SLC24A2: variants seen among roughly 807,000 people sequenced by gnomAD.
The protein encoded by SLC24A2 is solute carrier family 24 member 2.
A neutral mutation model predicts 62.0 loss-of-function variants in SLC24A2; 36 were observed. The ratio of observed to expected loss-of-function variants is 0.58; its 90% CI spans 0.44 to 0.77. The LOEUF (loss-of-function observed/expected upper bound fraction) is 0.77. Ranked by LOEUF, SLC24A2 falls within the 30% of genes least tolerant of loss-of-function variation. SLC24A2 has a pLI of 0.00. For synonymous variants in SLC24A2, 358 were observed against 294.0 expected (o/e 1.22, Z -2.23); for missense variants, 846 against 817.9 (o/e 1.03, Z -0.42).
At chr9:19,955,733 T>C in the SLC24A2 span, among the ~76,000 whole-genome samples, 1 of 152,066 alleles carries the variant, frequency 6.6e-6, no homozygotes, top group East Asian at 1.9e-4. Context: ...ATTTCCTCCA[T>C]CCTCTCCCAA....
chr9:19,607,407 C>CA lies in SLC24A2; in HGVS notation c.1079-10129dup, dbSNP rs1280070393. On this transcript the variant is annotated intron_variant, in intron 4 of 10. Transcript: ENST00000341998. ...TCCTTCTTCATGATATCTTTGAGCT[C>CA]AAATGCCATCAAAATCATTTTTTTT... Among the ~76,000 whole-genome samples, 3 of 152,150 alleles carry CA rather than the reference C, an allele frequency of 2.0e-5. No homozygotes were observed. The East Asian group carries it at 5.8e-4, about 29-fold the overall frequency.
the SLC24A2 span, among the ~76,000 whole-genome samples, chr9:20,055,136 C>T: frequency 6.6e-6 from 1 of 152,044 alleles, no homozygotes; most frequent in African/African-American, 2.4e-5. Flanking sequence ...CATAAAGCTC[C>T]CTTCCATCCA....
chr9:19,666,198 G>A (rs1490574233), intron 2 of SLC24A2, among the ~76,000 whole-genome samples: 1 of 152,030 alleles, frequency 6.6e-6, no homozygotes, highest in African/African-American at 2.4e-5. Flanking sequence ...TTGAGCCCAG[G>A]AGTTGAGATC....
intron 2 of SLC24A2, among the ~76,000 whole-genome samples, chr9:19,665,067 C>T (rs1819209948): frequency 6.6e-6 from 1 of 152,178 alleles, no homozygotes; most frequent in Non-Finnish European, 1.5e-5. Context: ...AGGCTGCCTG[C>T]TGTGTGGCTG....
chr9:19,949,545 T>G, the SLC24A2 span, among the ~76,000 whole-genome samples: 2 of 152,234 alleles, frequency 1.3e-5, no homozygotes, highest in African/African-American at 4.8e-5. Flanking sequence ...AAAAAATCAC[T>G]TAAGCAATAG....
Position 19,619,566 on chromosome 9 carries a change from C to A in SLC24A2, c.1078+18G>T, listed in dbSNP as rs1254363135. The A allele has an allele frequency of 6.3e-7, 1 of 1,594,446 alleles. No individual in the cohort carries two copies. The highest frequency in any genetic ancestry group is 1.3e-5 in the African/African-American group (1 of 74,460). On this transcript the variant is annotated intron_variant, in intron 4 of 10. Coordinates refer to ENST00000341998, the MANE Select transcript of SLC24A2 (RefSeq NM_020344.4). ...TTTTCCCCCCAAACAAGTTCCCAAA[C>A]CAAAGCTTGATGTTTACCTTCGGCG...
At chr9:19,608,845 C>T (rs532157506) in intron 4 of SLC24A2, among the ~76,000 whole-genome samples, 76 of 152,156 alleles carry the variant, frequency 5.0e-4, no homozygotes, top group Middle Eastern at 3.4e-3. Context: ...TAGCACCCCT[C>T]GACAGGAGAG....
Position 19,785,957 on chromosome 9 carries a change from C to A in SLC24A2, c.910G>T (p.Ala304Ser), listed in dbSNP as rs756290261. The A allele has an allele frequency of 1.2e-6, 2 of 1,614,218 alleles. No homozygotes were observed. The highest frequency in any genetic ancestry group is 1.7e-6 in the Non-Finnish European group (2 of 1,180,014). ...INRNKVVKVT[A>S]PEAQAKPSAA... ...CCAACCTTTGCTTGGGCTTCTGGTG[C>A]TGTCACCTTGACGACCTTATTGCGG... The change falls in exon 2 of 11, where the codon GCA (alanine) becomes TCA (serine). Residue 304 changes from alanine to serine, a missense_variant. Ala to Ser is a moderately conservative substitution (Grantham distance 99, BLOSUM62 1). Coordinates refer to ENST00000341998, the MANE Select transcript of SLC24A2 (RefSeq NM_020344.4).
chr9:19,829,765 ATGTGTGTG>A, the SLC24A2 span, among the ~76,000 whole-genome samples: 13 of 56,902 alleles, frequency 2.3e-4, no homozygotes, highest in East Asian at 6.7e-4. Context: ...TTATATATAT[ATGTGTGTG>A]TGTGTGTGTG....
At chr9:19,845,368 A>G in the SLC24A2 span, among the ~76,000 whole-genome samples, 1 of 152,180 alleles carries the variant, frequency 6.6e-6, no homozygotes, top group Non-Finnish European at 1.5e-5. Flanking sequence ...TTAATTTTGT[A>G]TCCTGACACT....
the SLC24A2 span, among the ~76,000 whole-genome samples, chr9:19,890,112 A>G: frequency 6.6e-6 from 1 of 152,306 alleles, no homozygotes; most frequent in South Asian, 2.1e-4. Context: ...CTCTTTCTCT[A>G]TCATAATCGC....
At chr9:19,860,045 T>A in the SLC24A2 span, among the ~76,000 whole-genome samples, 2 of 152,054 alleles carry the variant, frequency 1.3e-5, no homozygotes, top group African/African-American at 4.8e-5. Flanking sequence ...TCCTAGGCAG[T>A]CCTAGGACTG....
chr9:19,793,806 A>G (rs2118968211), upstream of SLC24A2, among the ~76,000 whole-genome samples: 1 of 152,312 alleles, frequency 6.6e-6, no homozygotes, highest in African/African-American at 2.4e-5. Context: ...GAGATTATAT[A>G]CTTAGAACCT....
the SLC24A2 span, among the ~76,000 whole-genome samples, chr9:20,198,490 C>G: frequency 6.6e-6 from 1 of 152,304 alleles, no homozygotes; most frequent in East Asian, 1.9e-4. Flanking sequence ...CTTTCCCTGA[C>G]TTACTCCGTG....
the SLC24A2 span, among the ~76,000 whole-genome samples, chr9:20,050,415 CAAAT>C: frequency 2.0e-5 from 3 of 151,854 alleles, no homozygotes; most frequent in Admixed American, 2.0e-4. Flanking sequence ...GACTGTGCCT[CAAAT>C]AAATAAATAA....
the SLC24A2 span, among the ~76,000 whole-genome samples, chr9:19,917,354 G>GT: frequency 0.4 from 56,413 of 140,168 alleles, 11,643 homozygotes; most frequent in Middle Eastern, 0.6. Flanking sequence ...TTTTTGTGTG[G>GT]TTTTTTTTTT....
chr9:19,866,793 C>T, the SLC24A2 span, among the ~76,000 whole-genome samples: 86,433 of 151,684 alleles, frequency 0.57, 25,340 homozygotes, highest in Non-Finnish European at 0.64. Flanking sequence ...CCCGCCACCA[C>T]GCCTTGCTAA....
chr9:20,111,076 C>G, the SLC24A2 span, among the ~76,000 whole-genome samples: 4 of 152,164 alleles, frequency 2.6e-5, no homozygotes, highest in African/African-American at 9.7e-5. Context: ...CTTCCTGTCA[C>G]CCTTCTAGCT....
At chr9:19,579,967 G>A (rs1358412607) in intron 5 of SLC24A2, among the ~76,000 whole-genome samples, 1 of 152,198 alleles carries the variant, frequency 6.6e-6, no homozygotes, top group African/African-American at 2.4e-5. Flanking sequence ...CAGGGTAGGA[G>A]ATAACCCTAG....
Sources: allele counts gnomAD v4.1 joint callset (sites outside exome capture counted in the v4.1 genomes callset), GRCh38; gene constraint gnomAD v4.1.1; transcripts MANE v1.5; gene names NCBI Gene and HGNC (gene_info 2026-07-23, HGNC 2026-07-21).